Variants in ZNF536 observed in about 807,000 individuals in gnomAD.
The protein encoded by ZNF536 is zinc finger protein 536.
ZNF536 carries 13 observed loss-of-function variants against 84.5 expected under a neutral mutation model. That is an observed-to-expected ratio of 0.15 (90% CI 0.10 to 0.24). The LOEUF is 0.24. Ranked by LOEUF, ZNF536 falls within the 10% of genes least tolerant of loss-of-function variation. The pLI is 1.00. For missense variants in ZNF536, 1,536 were observed against 1,747.5 expected (o/e 0.88, Z 2.16); for synonymous variants, 811 against 742.5 (o/e 1.09, Z -1.50).
intron 2 of ZNF536, among the ~76,000 whole-genome samples, chr19:30,290,661 GT>G (rs2045805631): frequency 6.6e-6 from 1 of 152,070 alleles, no homozygotes; most frequent in Admixed American, 6.6e-5. Flanking sequence ...GTAAATGTGG[GT>G]TTATATGTTT....
chr19:30,669,489 A>G (rs1437072689), intron 1 of ZNF536, among the ~76,000 whole-genome samples: 1 of 152,112 alleles, frequency 6.6e-6, no homozygotes, highest in Non-Finnish European at 1.5e-5. Flanking sequence ...AGGCTCCTGG[A>G]GAGTAGGGGA....
At chr19:30,623,028 T>TG (rs1400114193) in intron 1 of ZNF536, among the ~76,000 whole-genome samples, 1 of 138,424 alleles carries the variant, frequency 7.2e-6, no homozygotes, top group Non-Finnish European at 1.6e-5. Flanking sequence ...GTGTTTTTTT[T>TG]TTTGTTTTTT....
chr19:30,557,023 C>G (rs540724562), intron 4 of ZNF536, 134 bp from the exon 5 acceptor site: 1 of 1,064,084 alleles, frequency 9.4e-7, no homozygotes, highest in South Asian at 1.6e-5. Flanking sequence ...ACAGAAGGAC[C>G]AAATTTTATA....
chr19:30,656,177 G>A (rs1287978005), intron 1 of ZNF536, among the ~76,000 whole-genome samples: 3 of 152,152 alleles, frequency 2.0e-5, no homozygotes, highest in Non-Finnish European at 2.9e-5. Context: ...TTCCTCTCCA[G>A]TGCTGTCCTT....
intron 2 of ZNF536, among the ~76,000 whole-genome samples, chr19:30,294,825 A>G (rs1270441309): frequency 6.6e-6 from 1 of 152,134 alleles, no homozygotes; most frequent in Non-Finnish European, 1.5e-5. Context: ...GAAGGCTGAG[A>G]GAAGCTTGTG....
chr19:30,377,475 G>A (rs1241225248), intron 1 of ZNF536, among the ~76,000 whole-genome samples: 1 of 152,158 alleles, frequency 6.6e-6, no homozygotes, highest in East Asian at 1.9e-4. Flanking sequence ...GCAGTTCAAA[G>A]CAAAAGCAAG....
intron 2 of ZNF536, among the ~76,000 whole-genome samples, chr19:30,518,406 C>T (rs966492971): frequency 6.6e-6 from 1 of 152,118 alleles, no homozygotes; most frequent in Non-Finnish European, 1.5e-5. Flanking sequence ...CGTTTTGATT[C>T]CCAAAATTGC....
At chr19:30,510,915 C>T (rs951056831) in intron 2 of ZNF536, among the ~76,000 whole-genome samples, 1 of 152,194 alleles carries the variant, frequency 6.6e-6, no homozygotes, top group Non-Finnish European at 1.5e-5. Context: ...CCTGTGTCTG[C>T]TGCCATGAGT....
intron 1 of ZNF536, among the ~76,000 whole-genome samples, chr19:30,396,620 AGTCTCTCTCT>A (rs2049832266): frequency 7.5e-6 from 1 of 134,202 alleles, no homozygotes; most frequent in African/African-American, 2.8e-5. Context: ...TTTGAGACAA[AGTCTCTCTCT>A]GTCGCCCAGG....
At chr19:30,241,553 G>C (rs1365511242) in intron 1 of ZNF536, among the ~76,000 whole-genome samples, 1 of 152,188 alleles carries the variant, frequency 6.6e-6, no homozygotes, top group East Asian at 1.9e-4. Flanking sequence ...CAAGTGCAGA[G>C]CCTCTGAGAC....
At chr19:30,295,903 C>T (rs889878029) in intron 2 of ZNF536, among the ~76,000 whole-genome samples, 1 of 152,178 alleles carries the variant, frequency 6.6e-6, no homozygotes, top group Non-Finnish European at 1.5e-5. Flanking sequence ...CCCTGTCCTG[C>T]AGGAGGTGTT....
intron 1 of ZNF536, among the ~76,000 whole-genome samples, chr19:30,660,278 A>C (rs2147565412): frequency 6.6e-6 from 1 of 152,264 alleles, no homozygotes; most frequent in South Asian, 2.1e-4. Context: ...CTTTACAAAA[A>C]CGACTGAGTG....
intron 2 of ZNF536, among the ~76,000 whole-genome samples, chr19:30,296,787 G>A (rs148480939): frequency 6.6e-5 from 10 of 152,316 alleles, no homozygotes; most frequent in African/African-American, 2.2e-4. Context: ...GGCACAGATG[G>A]GTGTGTGGTC....
chr19:30,418,192 C>A lies in ZNF536; in HGVS notation c.-2-25369C>A, dbSNP rs903733446. Among the ~76,000 whole-genome samples, 8 of 151,776 alleles carry A rather than the reference C, an allele frequency of 5.3e-5. No individual in the cohort carries two copies. The East Asian group carries it at 1.2e-3, about 22-fold the overall frequency. On this transcript the variant is annotated intron_variant, in intron 1 of 4. Coordinates refer to ENST00000355537, the MANE Select transcript of ZNF536 (RefSeq NM_014717.3). ...ATGATCATGTAGATTTGTTCCCTGG[C>A]CTATTATGCTTGATTTTTAAATCTT...
chr19:30,530,952 C>T (rs1394803575), intron 2 of ZNF536, among the ~76,000 whole-genome samples: 2 of 152,220 alleles, frequency 1.3e-5, no homozygotes, highest in Non-Finnish European at 2.9e-5. Flanking sequence ...GGGGCTCACG[C>T]ACAGTGCCCT....
At chr19:30,577,882 C>T (rs1394624331) in intron 1 of ZNF536, among the ~76,000 whole-genome samples, 3 of 152,156 alleles carry the variant, frequency 2.0e-5, no homozygotes, top group African/African-American at 7.2e-5. Flanking sequence ...GGCCACATTC[C>T]AATTGAAGCT....
At chr19:30,381,445 C>T (rs1163754942) in intron 1 of ZNF536, among the ~76,000 whole-genome samples, 2 of 152,088 alleles carry the variant, frequency 1.3e-5, no homozygotes, top group Non-Finnish European at 2.9e-5. Context: ...ATGGGGTGGT[C>T]TTGGGAGGCC....
intron 1 of ZNF536, among the ~76,000 whole-genome samples, chr19:30,583,466 G>A (rs528954393): frequency 5.9e-5 from 9 of 152,326 alleles, no homozygotes; most frequent in African/African-American, 2.2e-4. Context: ...TTTATTGGGA[G>A]AAGGGCTTCC....
chr19:30,466,335 A>C (rs2148474103), intron 2 of ZNF536, among the ~76,000 whole-genome samples: 1 of 151,372 alleles, frequency 6.6e-6, no homozygotes, highest in East Asian at 2.0e-4. Context: ...TGATCCCAGG[A>C]GTTCAAGACC....
Sources: gnomAD v4.1 joint callset for allele counts (sites outside exome capture counted in the v4.1 genomes callset) on GRCh38, gnomAD v4.1.1 for gene constraint, MANE v1.5 for transcripts, NCBI Gene and HGNC (gene_info 2026-07-23, HGNC 2026-07-21) for gene names.